The following PHF20 variants were observed in gnomAD, a reference collection of about 807,000 sequenced individuals.
The protein encoded by PHF20 is PHD finger protein 20.
Under a neutral mutation model 113.5 loss-of-function variants are expected in PHF20, and 23 were observed. The observed-to-expected ratio is 0.20, with a 90% confidence interval of 0.15 to 0.29. The LOEUF (loss-of-function observed/expected upper bound fraction) is 0.29. Ranked by LOEUF, PHF20 falls within the 10% of genes least tolerant of loss-of-function variation. The pLI, the probability that PHF20 is intolerant of heterozygous loss-of-function variation, is 1.00. For missense variants in PHF20, 943 were observed against 1,219.6 expected (o/e 0.77, Z 3.38); for synonymous variants, 434 against 457.3 (o/e 0.95, Z 0.65).
At chr20:35,780,837 TG>T (rs2041279091) in intron 1 of PHF20, among the ~76,000 whole-genome samples, 1 of 147,486 alleles carries the variant, frequency 6.8e-6, no homozygotes, top group Non-Finnish European at 1.5e-5. Context: ...CATGAGCCAC[TG>T]GTGCCTGGCC....
chr20:35,871,857 CT>C, intron 9 of PHF20, 28 bp downstream of exon 9: 1 of 1,500,520 alleles, frequency 6.7e-7, no homozygotes, highest in Non-Finnish European at 9.1e-7. Flanking sequence ...AATTAATCCT[CT>C]TTTTATATAC....
intron 3 of PHF20, among the ~76,000 whole-genome samples, chr20:35,846,696 T>C (rs1244929992): frequency 1.3e-5 from 2 of 152,166 alleles, no homozygotes; most frequent in Non-Finnish European, 1.5e-5. Context: ...TAGGGTGGAA[T>C]TATCATCAGT....
chr20:35,936,644 T>C (rs959812647), intron 15 of PHF20, among the ~76,000 whole-genome samples: 13 of 152,244 alleles, frequency 8.5e-5, no homozygotes, highest in Non-Finnish European at 1.6e-4. Context: ...TTAGAAGCTT[T>C]ATCATTAATG....
intron 2 of PHF20, among the ~76,000 whole-genome samples, chr20:35,816,378 T>A (rs556736898): frequency 1.3e-5 from 2 of 152,274 alleles, no homozygotes; most frequent in African/African-American, 4.8e-5. Context: ...ATTTTAAGGA[T>A]TTTTTGACAT....
chr20:35,882,628 A>C (rs548929036), intron 9 of PHF20, among the ~76,000 whole-genome samples: 2 of 152,324 alleles, frequency 1.3e-5, no homozygotes, highest in Admixed American at 6.5e-5. Flanking sequence ...GGGTCTAGAT[A>C]TATTGACCAT....
chr20:35,817,479 G>A (rs2042096761), intron 2 of PHF20, among the ~76,000 whole-genome samples: 3 of 149,182 alleles, frequency 2.0e-5, no homozygotes, highest in South Asian at 2.4e-4. Context: ...GAGCCACCAC[G>A]CCAGACCTAT....
At chr20:35,799,291 C>CAAAAAAAA (rs35210007) in intron 1 of PHF20, among the ~76,000 whole-genome samples, 1 of 21,006 alleles carries the variant, frequency 4.8e-5, no homozygotes, top group Non-Finnish European at 1.0e-4. Flanking sequence ...ACTCTCTCTG[C>CAAAAAAAA]AAAAAAAAAA....
At chr20:35,871,555 TA>T in intron 8 of PHF20, 94 bp from the exon 9 acceptor site, 3 of 1,040,044 alleles carry the variant, frequency 2.9e-6, no homozygotes, top group South Asian at 4.1e-5. Context: ...TTCCTTCCTC[TA>T]AAAAGTCCCT....
At chr20:35,861,045 A>T (rs915831202) in intron 5 of PHF20, among the ~76,000 whole-genome samples, 1 of 152,142 alleles carries the variant, frequency 6.6e-6, no homozygotes. Context: ...CACAGGCCCA[A>T]GGCTCCTGGA....
intron 10 of PHF20, among the ~76,000 whole-genome samples, chr20:35,901,413 T>TAA (rs34044539): frequency 1.9e-4 from 20 of 103,016 alleles, no homozygotes; most frequent in Middle Eastern, 5.5e-3. Flanking sequence ...AAACTCTGTC[T>TAA]AAAAAAAAAA....
intron 15 of PHF20, among the ~76,000 whole-genome samples, chr20:35,932,952 C>G (rs1004529106): frequency 3.9e-5 from 6 of 152,096 alleles, no homozygotes; most frequent in Non-Finnish European, 8.8e-5. Flanking sequence ...TAGTGTTTGT[C>G]TTTTTGTGAC....
At chr20:35,866,438 T>C (rs1342974127) in intron 6 of PHF20, among the ~76,000 whole-genome samples, 1 of 152,096 alleles carries the variant, frequency 6.6e-6, no homozygotes, top group African/African-American at 2.4e-5. Context: ...TATATCTCTG[T>C]TCAGATGGGG....
chr20:35,850,357 G>A (rs1213437344), intron 4 of PHF20, among the ~76,000 whole-genome samples: 2 of 123,828 alleles, frequency 1.6e-5, no homozygotes, highest in African/African-American at 6.1e-5. Flanking sequence ...TGTCCAGGCT[G>A]GAGTGCAGTG....
At chr20:35,783,572 G>A (rs187890564) in intron 1 of PHF20, among the ~76,000 whole-genome samples, 303 of 151,468 alleles carry the variant, frequency 2.0e-3, no homozygotes, top group Middle Eastern at 3.4e-3. Flanking sequence ...GTATGCCACC[G>A]CGCTTGGCTA....
intron 9 of PHF20, among the ~76,000 whole-genome samples, chr20:35,896,111 G>GTGTA (rs917093046): frequency 6.6e-6 from 1 of 151,744 alleles, no homozygotes; most frequent in Admixed American, 6.6e-5. Flanking sequence ...GTGTGTGTGT[G>GTGTA]TGTATAGGTT....
At chr20:35,814,851 C>A (rs796618214) in intron 2 of PHF20, among the ~76,000 whole-genome samples, 10 of 127,510 alleles carry the variant, frequency 7.8e-5, no homozygotes, top group Non-Finnish European at 9.6e-5. Flanking sequence ...CCAGCCTGGG[C>A]GACAGAGCGA....
chr20:35,852,288 A>C (rs1053170731), intron 4 of PHF20, among the ~76,000 whole-genome samples: 2 of 152,134 alleles, frequency 1.3e-5, no homozygotes, highest in Admixed American at 6.6e-5. Context: ...CACTGATAGA[A>C]TGCGAGAGTG....
At chr20:35,792,741 C>A (rs1271188684) in intron 1 of PHF20, among the ~76,000 whole-genome samples, 3 of 152,006 alleles carry the variant, frequency 2.0e-5, no homozygotes, top group Non-Finnish European at 2.9e-5. Flanking sequence ...GACTATAATT[C>A]TTTGTGTCTG....
chr20:35,788,044 C>T (rs1359582591), intron 1 of PHF20, among the ~76,000 whole-genome samples: 1 of 152,146 alleles, frequency 6.6e-6, no homozygotes, highest in African/African-American at 2.4e-5. Flanking sequence ...TCCCAAAGTG[C>T]TGGGATTACA....
Sources: gnomAD v4.1 joint callset for allele counts (sites outside exome capture counted in the v4.1 genomes callset) on GRCh38, gnomAD v4.1.1 for gene constraint, MANE v1.5 for transcripts, NCBI Gene and HGNC (gene_info 2026-07-23, HGNC 2026-07-21) for gene names.